The following ACSS3 variants were observed in gnomAD, a reference collection of about 807,000 sequenced individuals.
ACSS3 encodes acyl-CoA synthetase short-chain family member 3, mitochondrial.
Under a neutral mutation model 84.2 loss-of-function variants are expected in ACSS3, and 64 were observed. The ratio of observed to expected loss-of-function variants is 0.76; its 90% confidence interval spans 0.62 to 0.94. The LOEUF is 0.94. Among genes scored for constraint, ACSS3 ranks in the 40% least tolerant of loss-of-function variants. ACSS3 has a pLI of 0.00. For missense variants in ACSS3, 815 were observed against 867.6 expected, an observed-to-expected ratio of 0.94 and a Z score of 0.76; for synonymous variants, 317 against 310.1, an observed-to-expected ratio of 1.02 and a Z score of -0.23.
intron 9 of ACSS3, among the ~76,000 whole-genome samples, chr12:81,201,986 A>G (rs887273248): frequency 1.1e-4 from 16 of 152,316 alleles, no homozygotes; most frequent in South Asian, 6.2e-4. Flanking sequence ...TAGTTATAAA[A>G]TGATACTGAA....
chr12:81,237,732 T>G (rs2135983536), intron 13 of ACSS3, among the ~76,000 whole-genome samples: 1 of 151,882 alleles, frequency 6.6e-6, no homozygotes, highest in African/African-American at 2.4e-5. Flanking sequence ...AGCTTTTGTC[T>G]ATTTGGATAT....
intron 7 of ACSS3, among the ~76,000 whole-genome samples, chr12:81,156,209 C>CCCA (rs1555176599): frequency 3.0e-4 from 44 of 147,182 alleles, no homozygotes; most frequent in Middle Eastern, 3.5e-3. Context: ...CACACACACC[C>CCCA]CACACACACA....
intron 1 of ACSS3, among the ~76,000 whole-genome samples, chr12:81,085,985 T>G (rs544087717): frequency 1.3e-5 from 2 of 152,306 alleles, no homozygotes; most frequent in Admixed American, 6.5e-5. Context: ...TTGAGATTGC[T>G]TCAAAGGAAA....
In ACSS3 at chr12:81,133,830, T is replaced by C. The variant is rs535072854; in HGVS notation, c.457-986T>C. Among the ~76,000 whole-genome samples, 224 of 152,214 alleles carry C rather than the reference T, an allele frequency of 1.5e-3. 2 individuals are homozygous for C. The highest frequency in any genetic ancestry group is 2.4e-3 in the Non-Finnish European group (163 of 68,002). On this transcript the variant is annotated intron_variant, in intron 2 of 15. Coordinates refer to ENST00000548058, the MANE Select transcript of ACSS3 (RefSeq NM_024560.4). ...TTGTCTTGTTTACTTATCTGATGTA[T>C]CTGAAAACAGTGTCTGACATATAAT...
chr12:81,156,158 A>G (rs1886851605), intron 7 of ACSS3, among the ~76,000 whole-genome samples: 1 of 151,514 alleles, frequency 6.6e-6, no homozygotes, highest in Admixed American at 6.6e-5. Context: ...TAAATAATCC[A>G]TAGGTCAAAT....
At chr12:81,150,966 C>T (rs1886582714) in intron 5 of ACSS3, among the ~76,000 whole-genome samples, 1 of 152,160 alleles carries the variant, frequency 6.6e-6, no homozygotes, top group Non-Finnish European at 1.5e-5. Flanking sequence ...CCTTCTATCT[C>T]TTAGCAGGTG....
At chr12:81,191,518 A>G (rs934432199) in intron 8 of ACSS3, among the ~76,000 whole-genome samples, 1 of 152,142 alleles carries the variant, frequency 6.6e-6, no homozygotes, top group Non-Finnish European at 1.5e-5. Flanking sequence ...TTTTATTTAA[A>G]TGTTTTGAAG....
At chr12:81,176,059 C>A (rs1593161500) in intron 8 of ACSS3, among the ~76,000 whole-genome samples, 1 of 151,808 alleles carries the variant, frequency 6.6e-6, no homozygotes, top group Middle Eastern at 3.4e-3. Context: ...TCAATAAAAC[C>A]AAAAGTTGAG....
In ACSS3 at chr12:81,184,222, T is replaced by G. The variant is rs556192957; in HGVS notation, c.1250+9283T>G. On this transcript the variant is annotated intron_variant, in intron 8 of 15. Transcript: ENST00000548058. ...GTCAAAGAAGAAATCAAAAGAACAATTTAAAAACATCTTCAGGCAAATGAT... is the reference window on the plus strand; with the variant it reads ...GTCAAAGAAGAAATCAAAAGAACAAGTTAAAAACATCTTCAGGCAAATGAT... Among the ~76,000 whole-genome samples, 5 of 151,892 alleles carry G rather than the reference T, an allele frequency of 3.3e-5. No individual in the cohort carries two copies. In the East Asian group the frequency reaches 9.7e-4, roughly 29 times the overall value.
chr12:81,243,208 A>C (rs1188826092), intron 13 of ACSS3, among the ~76,000 whole-genome samples: 1 of 152,176 alleles, frequency 6.6e-6, no homozygotes, highest in Non-Finnish European at 1.5e-5. Flanking sequence ...ATTCTTATAC[A>C]CCAATAACAG....
chr12:81,100,357 A>T (rs564610563), intron 1 of ACSS3, among the ~76,000 whole-genome samples: 1 of 151,782 alleles, frequency 6.6e-6, no homozygotes, highest in East Asian at 1.9e-4. Context: ...TTTAAAAGCT[A>T]TCTTCTTTAC....
At chr12:81,247,327 G>A (rs2034013755) in intron 13 of ACSS3, among the ~76,000 whole-genome samples, 1 of 151,984 alleles carries the variant, frequency 6.6e-6, no homozygotes, top group Non-Finnish European at 1.5e-5. Context: ...AAAAACCTTA[G>A]TCTTTTTTTG....
chr12:81,236,635 G>T lies in ACSS3; in HGVS notation c.1719+3164G>T, dbSNP rs528963122. On this transcript the variant is annotated intron_variant, in intron 13 of 15. Coordinates refer to ENST00000548058, the MANE Select transcript of ACSS3 (RefSeq NM_024560.4). ...TTCAGATAATTTACATTTAATTATT[G>T]ATATAGTTATATATCTGCCTACCAG... Among the ~76,000 whole-genome samples the T allele has an allele frequency of 8.6e-5, 13 of 151,272 alleles. 1 individual carries two copies. Among genetic ancestry groups the T allele is most frequent in the Non-Finnish European group, 1.8e-4 (12 of 67,496 alleles).
intron 2 of ACSS3, among the ~76,000 whole-genome samples, chr12:81,114,655 T>A (rs1029065804): frequency 7.9e-5 from 12 of 152,248 alleles, no homozygotes; most frequent in Admixed American, 2.0e-4. Flanking sequence ...AAAGTGTGTC[T>A]CTGTAAGTTA....
At chr12:81,162,854 C>T (rs1427250784) in intron 7 of ACSS3, among the ~76,000 whole-genome samples, 3 of 152,126 alleles carry the variant, frequency 2.0e-5, no homozygotes, top group Non-Finnish European at 4.4e-5. Flanking sequence ...TGAGTGTGCA[C>T]ACACTCGGCT....
intron 1 of ACSS3, among the ~76,000 whole-genome samples, chr12:81,088,674 G>A (rs1011731111): frequency 6.6e-6 from 1 of 151,996 alleles, no homozygotes; most frequent in African/African-American, 2.4e-5. Context: ...GTAAATAGCA[G>A]AGCTAAGATT....
intron 11 of ACSS3, among the ~76,000 whole-genome samples, chr12:81,221,471 A>T (rs1324244156): frequency 1.3e-5 from 2 of 152,132 alleles, no homozygotes; most frequent in African/African-American, 2.4e-5. Context: ...AGTTAAAAAG[A>T]GGATGTTTCT....
intron 7 of ACSS3, among the ~76,000 whole-genome samples, chr12:81,163,516 T>C (rs1887255939): frequency 6.6e-6 from 1 of 152,258 alleles, no homozygotes; most frequent in Non-Finnish European, 1.5e-5. Context: ...CTATACCTTT[T>C]ATCTTTATTT....
chr12:81,240,370 C>T (rs2033756775), intron 13 of ACSS3, among the ~76,000 whole-genome samples: 1 of 151,872 alleles, frequency 6.6e-6, no homozygotes, highest in Admixed American at 6.6e-5. Flanking sequence ...ATAACTACTC[C>T]TACTTATAAA....
Sources: allele counts gnomAD v4.1 joint callset (sites outside exome capture counted in the v4.1 genomes callset), GRCh38; gene constraint gnomAD v4.1.1; transcripts MANE v1.5; gene names NCBI Gene and HGNC (gene_info 2026-07-23, HGNC 2026-07-21).